The following DOCK7 variants were observed in gnomAD, a reference collection of about 807,000 sequenced individuals.
DOCK7 encodes the protein dedicator of cytokinesis 7.
A neutral mutation model predicts 271.0 loss-of-function variants in DOCK7; 138 were observed. That is an observed-to-expected ratio of 0.51 (90% CI 0.44 to 0.59). The LOEUF (loss-of-function observed/expected upper bound fraction) is 0.59, where lower values mean the gene tolerates loss of function less well. Ranked by LOEUF, DOCK7 falls within the 20% of genes least tolerant of loss-of-function variation. DOCK7 has a pLI of 0.00. For missense variants in DOCK7, 2,066 were observed against 2,592.4 expected (o/e 0.80, Z 4.41); for synonymous variants, 823 against 876.1 (o/e 0.94, Z 1.07).
chr1:62,544,835 C>T, intron 23 of DOCK7, 112 bp downstream of exon 23: 1 of 801,282 alleles, frequency 1.2e-6, no homozygotes, highest in South Asian at 2.1e-5. Flanking sequence ...AAAATACACA[C>T]TTTTTAATGA....
chr1:62,532,424 T>C (rs1328376107), intron 29 of DOCK7, among the ~76,000 whole-genome samples: 1 of 152,026 alleles, frequency 6.6e-6, no homozygotes, highest in African/African-American at 2.4e-5. Context: ...CTTGACCTCT[T>C]GGACTTAAGT....
At chr1:62,632,565 T>C (rs1349274954) in intron 10 of DOCK7, among the ~76,000 whole-genome samples, 1 of 152,244 alleles carries the variant, frequency 6.6e-6, no homozygotes, top group Non-Finnish European at 1.5e-5. Flanking sequence ...GAAGTTCCAG[T>C]ATTAAATCTT....
intron 7 of DOCK7, chr1:62,641,096 C>G (rs7539035): frequency 8.7e-6 from 2 of 228,678 alleles, no homozygotes; most frequent in Non-Finnish European, 1.7e-5. Flanking sequence ...AAGCATGAGG[C>G]GTAAACAGTC....
At position 62,631,245 on chromosome 1, in the gene DOCK7, G is replaced by A. The variant is rs757984937; in HGVS notation, c.1277C>T (p.Thr426Ile). The A allele has an allele frequency of 8.8e-6, 14 of 1,599,654 alleles. No individual in the cohort carries two copies. Among genetic ancestry groups the A allele is most frequent in the Non-Finnish European group, 1.1e-5 (13 of 1,175,634 alleles). ...ERDSTEVEIS[T>I]GERKGSWSER... ...TTTGTATGAAACACTCTTACCTCCA[G>A]TACTGATTTCTACTTCTGTAGAATC... Residue 426 changes from threonine to isoleucine, a missense_variant, in exon 11 of 50, where the codon ACT (threonine) becomes ATT (isoleucine). Physicochemically the swap from Thr to Ile is moderately conservative, Grantham distance 89. This residue lies in a region of DOCK7 where 1,414 missense variants were observed against 1,670.4 expected (regional missense o/e 0.85). Transcript: ENST00000635253.
chr1:62,598,617 A>C, intron 14 of DOCK7: 1 of 776,880 alleles, frequency 1.3e-6, no homozygotes, highest in South Asian at 1.5e-5. Context: ...TTAAAAATTT[A>C]GATTATGATA....
chr1:62,476,502 T>G (rs1220319777), intron 44 of DOCK7, among the ~76,000 whole-genome samples: 1 of 152,324 alleles, frequency 6.6e-6, no homozygotes. Context: ...TTATTGTTGA[T>G]GTATAAAAAT....
At chr1:62,648,645 ATTTC>A in intron 4 of DOCK7, 101 bp from the exon 5 acceptor site, 1 of 601,766 alleles carries the variant, frequency 1.7e-6, no homozygotes, top group Non-Finnish European at 2.5e-6. Flanking sequence ...TTTCTGCATT[ATTTC>A]TTTATGTAAT....
chr1:62,519,792 T>C (rs996368871), intron 31 of DOCK7, among the ~76,000 whole-genome samples: 1 of 152,140 alleles, frequency 6.6e-6, no homozygotes, highest in Non-Finnish European at 1.5e-5. Context: ...AATGCCTGTA[T>C]AGCCAAGACA....
rs2149499224 is a variant in DOCK7, at chr1:62,586,616, A to T, written c.1691T>A (p.Leu564His). 1 of 1,599,096 alleles carries T rather than the reference A, an allele frequency of 6.3e-7. No homozygotes were observed. The highest frequency in any genetic ancestry group is 2.2e-5 in the East Asian group (1 of 44,668). Residue 564 changes from leucine to histidine, a missense_variant, in exon 15 of 50, where the codon CTC (leucine) becomes CAC (histidine). Physicochemically the swap from Leu to His is moderately conservative, Grantham distance 99 (BLOSUM62 -3). Transcript: ENST00000635253. ...ATTAAGACTCTGAGGGTATATGTAG[A>T]GAAGATTTCTGTGAAAGCAACAGTA... ...YVPNTTYRNL[L>H]YIYPQSLNFA...
intron 46 of DOCK7, 140 bp downstream of exon 46, chr1:62,475,567 A>G (rs1407320461): frequency 9.3e-7 from 1 of 1,080,368 alleles, no homozygotes; most frequent in African/African-American, 1.6e-5. Context: ...GAAGTAAAAA[A>G]TTGAGGACTC....
At chr1:62,468,874 A>G (rs1406040260) in intron 48 of DOCK7, among the ~76,000 whole-genome samples, 5 of 152,220 alleles carry the variant, frequency 3.3e-5, no homozygotes, top group African/African-American at 1.2e-4. Context: ...AAGAGGTGAA[A>G]GACCTCTACA....
chr1:62,583,411 C>A lies in DOCK7; in HGVS notation c.1801-157G>T, dbSNP rs1690765. 0.015 allele frequency among the ~76,000 whole-genome samples: 2,326 copies of A among 152,262 alleles called. 63 individuals carry two copies. The highest frequency in any genetic ancestry group is 0.053 in the African/African-American group (2,202 of 41,552). On this transcript the variant is annotated intron_variant, in intron 15 of 49. Coordinates refer to ENST00000635253, the MANE Select transcript of DOCK7 (RefSeq NM_001367561.1). ...GCCTACTGACGTTCATCAAAAAGTTCAATTGCTTAACTATAAGTTTCTTTT... is the reference window on the plus strand; with the variant it reads ...GCCTACTGACGTTCATCAAAAAGTTAAATTGCTTAACTATAAGTTTCTTTT...
chr1:62,459,724 T>G (rs1645456930), intron 48 of DOCK7, among the ~76,000 whole-genome samples: 2 of 152,026 alleles, frequency 1.3e-5, no homozygotes, highest in South Asian at 4.2e-4. Flanking sequence ...CACAAATCTA[T>G]CTACAAAGAA....
In DOCK7 at chr1:62,475,911, G is replaced by A. The variant is rs1214499121; in HGVS notation, c.5757C>T (p.Tyr1919=). The A allele has an allele frequency of 1.2e-6, 2 of 1,613,792 alleles. No individual in the cohort carries two copies. The highest frequency in any genetic ancestry group is 1.7e-6 in the Non-Finnish European group (2 of 1,179,906). The change falls in exon 46 of 50, where the codon TAC becomes TAT. Residue 1919 remains tyrosine, a synonymous_variant. Transcript: ENST00000635253. ...AYIQITYVEP[Y]FDTYEMKDRI... is the part of the protein sequence containing the mutation. ...TGTCCTTCATCTCATATGTGTCAAAGTATGGCTCCACATAGGTAATCTGAA... is the reference window on the plus strand; with the variant it reads ...TGTCCTTCATCTCATATGTGTCAAAATATGGCTCCACATAGGTAATCTGAA...
intron 2 of DOCK7, among the ~76,000 whole-genome samples, chr1:62,661,836 ATT>A (rs1048794637): frequency 2.6e-5 from 4 of 152,168 alleles, no homozygotes; most frequent in Non-Finnish European, 4.4e-5. Flanking sequence ...GATTATAGAA[ATT>A]TTGAGTAGTT....
At chr1:62,558,076 A>G (rs1004813449) in intron 20 of DOCK7, among the ~76,000 whole-genome samples, 1 of 152,076 alleles carries the variant, frequency 6.6e-6, no homozygotes, top group Non-Finnish European at 1.5e-5. Context: ...AAAAGTCCCA[A>G]TTTCCTAAAG....
chr1:62,658,943 AC>A (rs1297360689), intron 2 of DOCK7, among the ~76,000 whole-genome samples: 2 of 150,902 alleles, frequency 1.3e-5, no homozygotes, highest in Non-Finnish European at 2.9e-5. Context: ...ACAGAGTGAG[AC>A]CCCTGTCTCA....
intron 14 of DOCK7, among the ~76,000 whole-genome samples, chr1:62,594,601 C>T (rs1648946656): frequency 6.6e-6 from 1 of 152,018 alleles, no homozygotes. Context: ...CTTCAAATTC[C>T]CTTCTCTAAA....
At chr1:62,554,192 GCTGGGCGTGGTGGCTCACGCCT>G (rs1347398644) in intron 21 of DOCK7, among the ~76,000 whole-genome samples, 4 of 152,120 alleles carry the variant, frequency 2.6e-5, no homozygotes, top group African/African-American at 9.7e-5. Context: ...AGCAAAGGCG[GCTGGGCGTGGTGGCTCACGCCT>G]ATAATCCCAG....
Sources: allele counts gnomAD v4.1 joint callset (sites outside exome capture counted in the v4.1 genomes callset), GRCh38; gene constraint gnomAD v4.1.1; regional missense constraint gnomAD v4.1.1; transcripts MANE v1.5; gene names NCBI Gene and HGNC (gene_info 2026-07-23, HGNC 2026-07-21).